APBB2: variants seen among roughly 807,000 people sequenced by gnomAD.
APBB2 encodes the protein amyloid beta precursor protein binding family B member 2.
APBB2 carries 38 observed loss-of-function variants against 82.5 expected under a neutral mutation model. That is an observed-to-expected ratio of 0.46 (90% CI 0.36 to 0.60). The LOEUF (loss-of-function observed/expected upper bound fraction) is 0.60, where lower values mean the gene tolerates loss of function less well. Among genes scored for constraint, APBB2 ranks in the 20% least tolerant of loss-of-function variants. The pLI, the probability that APBB2 is intolerant of heterozygous loss-of-function variation, is 0.00. For missense variants in APBB2, 772 were observed against 972.3 expected (o/e 0.79, Z 2.74); for synonymous variants, 341 against 368.2 (o/e 0.93, Z 0.85).
intron 12 of APBB2, among the ~76,000 whole-genome samples, chr4:40,866,863 G>A (rs528516031): frequency 6.6e-6 from 1 of 152,078 alleles, no homozygotes; most frequent in Non-Finnish European, 1.5e-5. Flanking sequence ...GATTACAGGT[G>A]TGCGCCACCA....
chr4:41,104,094 G>C (rs1746343017), intron 2 of APBB2, among the ~76,000 whole-genome samples: 1 of 152,078 alleles, frequency 6.6e-6, no homozygotes, highest in African/African-American at 2.4e-5. Flanking sequence ...ATTGTATTCT[G>C]GATAAAGCTC....
chr4:40,946,254 A>AAAAAAAAAAAAACAAAAAAAAAAAAC (rs1553875174), intron 6 of APBB2, among the ~76,000 whole-genome samples: 1 of 114,558 alleles, frequency 8.7e-6, no homozygotes, highest in East Asian at 2.8e-4. Context: ...AAAAAAAAAA[A>AAAAAAAAAAAAACAAAAAAAAAAAAC]CATTCCCAAG....
chr4:41,204,828 C>T (rs531885830), intron 1 of APBB2, among the ~76,000 whole-genome samples: 18 of 152,266 alleles, frequency 1.2e-4, no homozygotes, highest in Admixed American at 9.2e-4. Flanking sequence ...GAAAGGAATT[C>T]GAAAGATATA....
chr4:40,922,829 G>T (rs1781608266), intron 10 of APBB2, among the ~76,000 whole-genome samples: 1 of 151,346 alleles, frequency 6.6e-6, no homozygotes, highest in Non-Finnish European at 1.5e-5. Context: ...TGTTGGCCAG[G>T]CTGGTCTTGA....
intron 1 of APBB2, among the ~76,000 whole-genome samples, chr4:41,199,894 G>C (rs1476508211): frequency 6.6e-6 from 1 of 152,176 alleles, no homozygotes; most frequent in Non-Finnish European, 1.5e-5. Context: ...TGCACTGGCA[G>C]CCTGATTTCC....
At chr4:41,149,871 C>T (rs1422683640) in intron 1 of APBB2, among the ~76,000 whole-genome samples, 1 of 152,218 alleles carries the variant, frequency 6.6e-6, no homozygotes, top group Non-Finnish European at 1.5e-5. Context: ...TGCACACACA[C>T]TCTTTCCTGA....
chr4:40,880,341 A>C (rs1379196512), intron 12 of APBB2: 2 of 985,202 alleles, frequency 2.0e-6, no homozygotes, highest in Non-Finnish European at 2.4e-6. Context: ...TAGTCACTGG[A>C]CTCCCCAGGA....
At chr4:41,015,126 A>G (rs1469810166) in intron 5 of APBB2, among the ~76,000 whole-genome samples, 1 of 152,244 alleles carries the variant, frequency 6.6e-6, no homozygotes, top group Non-Finnish European at 1.5e-5. Context: ...GAGTCTGAAT[A>G]TATTCCACTG....
intron 3 of APBB2, among the ~76,000 whole-genome samples, chr4:41,076,866 C>T (rs1487968220): frequency 6.6e-6 from 1 of 152,026 alleles, no homozygotes; most frequent in Non-Finnish European, 1.5e-5. Context: ...CTATAAAATA[C>T]AGATACTGTG....
In APBB2 at chr4:41,127,302, A is replaced by G. The variant is rs1046174619; in HGVS notation, c.-261+15685T>C. On this transcript the variant is annotated intron_variant, in intron 2 of 17. Coordinates refer to ENST00000508593, the MANE Select transcript of APBB2 (RefSeq NM_004307.2). The surrounding 1 kb of genome is among the most constrained non-coding windows in gnomAD (Gnocchi z 4.8). ...ATTTCTAAGCACCAGTTGCCAGTCC[A>G]CATTTTATAAGCATTTGTACTGCGA... is the stretch of plus-strand genomic sequence containing the variant. Among the ~76,000 whole-genome samples, 1 of 152,240 alleles carries G rather than the reference A, an allele frequency of 6.6e-6. No individual in the cohort carries two copies. The highest frequency in any genetic ancestry group is 1.5e-5 in the Non-Finnish European group (1 of 68,030).
chr4:40,899,901 T>C (rs539358075), intron 10 of APBB2, among the ~76,000 whole-genome samples: 1 of 152,274 alleles, frequency 6.6e-6, no homozygotes, highest in East Asian at 1.9e-4. Context: ...GATACAGGCC[T>C]TGCCTGTAAC....
chr4:40,920,263 G>A (rs557943460), intron 10 of APBB2, among the ~76,000 whole-genome samples: 3 of 152,230 alleles, frequency 2.0e-5, no homozygotes, highest in South Asian at 2.1e-4. Context: ...CTTTCCTGCT[G>A]CCATGTAAGA....
chr4:40,905,765 T>A (rs1776537537), intron 10 of APBB2, among the ~76,000 whole-genome samples: 1 of 152,206 alleles, frequency 6.6e-6, no homozygotes, highest in African/African-American at 2.4e-5. Flanking sequence ...GGATTCAGCA[T>A]CTACTTTATT....
intron 6 of APBB2, among the ~76,000 whole-genome samples, chr4:40,990,894 T>C (rs1226453574): frequency 2.0e-5 from 3 of 151,976 alleles, no homozygotes; most frequent in Non-Finnish European, 2.9e-5. Flanking sequence ...ATATGCTCTA[T>C]GGAGGCAAAT....
chr4:41,185,685 G>A (rs531942474), intron 1 of APBB2, among the ~76,000 whole-genome samples: 3 of 152,022 alleles, frequency 2.0e-5, no homozygotes, highest in East Asian at 3.9e-4. Flanking sequence ...ATTGCATTTG[G>A]CTCTGGAAAG....
At chr4:40,949,483 A>C (rs989189013) in intron 6 of APBB2, among the ~76,000 whole-genome samples, 1 of 152,176 alleles carries the variant, frequency 6.6e-6, no homozygotes, top group African/African-American at 2.4e-5. Flanking sequence ...CAGTGGGGTC[A>C]AGTTATCGAA....
At chr4:40,930,778 C>T (rs1027762753) in intron 10 of APBB2, among the ~76,000 whole-genome samples, 6 of 152,122 alleles carry the variant, frequency 3.9e-5, no homozygotes, top group African/African-American at 9.7e-5. Flanking sequence ...GACGGAGTCT[C>T]GCTCTGTCGC....
At chr4:41,034,010 C>T (rs536807522) in intron 4 of APBB2, among the ~76,000 whole-genome samples, 2 of 152,290 alleles carry the variant, frequency 1.3e-5, no homozygotes, top group Non-Finnish European at 2.9e-5. Flanking sequence ...AAGGACAGGA[C>T]ACTGGAAACA....
chr4:41,014,616 T>C (rs558771501), intron 5 of APBB2, among the ~76,000 whole-genome samples: 8 of 152,222 alleles, frequency 5.3e-5, no homozygotes, highest in Non-Finnish European at 1.0e-4. Context: ...AGCCAATTTA[T>C]AGAAAAGCTA....
Sources: gnomAD v4.1 joint callset for allele counts (sites outside exome capture counted in the v4.1 genomes callset) on GRCh38, gnomAD v4.1.1 for gene constraint, Gnocchi (gnomAD v3.1) non-coding constraint, MANE v1.5 for transcripts, NCBI Gene and HGNC (gene_info 2026-07-23, HGNC 2026-07-21) for gene names.